Variants in NDUFA9 observed in about 807,000 individuals in gnomAD.
NDUFA9 encodes the protein NADH dehydrogenase [ubiquinone] 1 alpha subcomplex subunit 9, mitochondrial.
A neutral mutation model predicts 45.9 loss-of-function variants in NDUFA9; 23 were observed. The ratio of observed to expected loss-of-function variants is 0.50; its 90% confidence interval spans 0.36 to 0.71. The LOEUF is 0.71. Ranked by LOEUF, NDUFA9 falls within the 30% of genes least tolerant of loss-of-function variation. The pLI, the probability that NDUFA9 is intolerant of heterozygous loss-of-function variation, is 0.00. For synonymous variants in NDUFA9, 176 were observed against 170.5 expected, an observed-to-expected ratio of 1.03 and a Z score of -0.25; for missense variants, 466 against 488.2, an observed-to-expected ratio of 0.95 and a Z score of 0.43.
intron 1 of NDUFA9, among the ~76,000 whole-genome samples, chr12:4,649,452 G>C (rs1945741693): frequency 6.6e-6 from 1 of 152,068 alleles, no homozygotes; most frequent in African/African-American, 2.4e-5. Flanking sequence ...GAGAGAATCA[G>C]AATTCTGATA....
chr12:4,679,457 T>G (rs1178484087), intron 8 of NDUFA9, among the ~76,000 whole-genome samples: 2 of 152,130 alleles, frequency 1.3e-5, no homozygotes, highest in Non-Finnish European at 2.9e-5. Context: ...AGCTTATAGA[T>G]TAGTGATGAG....
chr12:4,669,270 A>G (rs1210029429), intron 7 of NDUFA9, among the ~76,000 whole-genome samples: 1 of 152,244 alleles, frequency 6.6e-6, no homozygotes, highest in East Asian at 1.9e-4. Flanking sequence ...GGCCAAAATC[A>G]CTATTACTAT....
At chr12:4,661,969 C>T (rs1591544464) in intron 5 of NDUFA9, among the ~76,000 whole-genome samples, 1 of 152,146 alleles carries the variant, frequency 6.6e-6, no homozygotes, top group South Asian at 2.1e-4. Context: ...ATCATGTCAC[C>T]TCCAGTGGTG....
At chr12:4,659,241 A>G in intron 5 of NDUFA9, 64 bp downstream of exon 5, 5 of 1,427,950 alleles carry the variant, frequency 3.5e-6, no homozygotes, top group East Asian at 4.6e-5. Context: ...CATTTGAAAC[A>G]TGATTTCAGT....
At chr12:4,668,855 C>G in intron 7 of NDUFA9, 1 of 311,976 alleles carries the variant, frequency 3.2e-6, no homozygotes, top group Non-Finnish European at 6.1e-6. Context: ...AGTTATTGTA[C>G]AACGTGATGA....
At chr12:4,677,937 A>G (rs1028817019) in intron 8 of NDUFA9, among the ~76,000 whole-genome samples, 1 of 152,214 alleles carries the variant, frequency 6.6e-6, no homozygotes, top group Non-Finnish European at 1.5e-5. Context: ...CCACATATAC[A>G]CCATGGAATA....
In NDUFA9 at chr12:4,680,288, C is replaced by T. The variant is rs573066388; in HGVS notation, c.801-1917C>T. On this transcript the variant is annotated intron_variant, in intron 8 of 10. Coordinates refer to ENST00000266544, the MANE Select transcript of NDUFA9 (RefSeq NM_005002.5). ...AATCAGTTCAATTGTATTTCGTCTACAGTTTTGTCCTTCTGGGGTTTCAGG... is the reference window on the plus strand; with the variant it reads ...AATCAGTTCAATTGTATTTCGTCTATAGTTTTGTCCTTCTGGGGTTTCAGG... Among the ~76,000 whole-genome samples the T allele has an allele frequency of 1.6e-4, 24 of 152,262 alleles. No homozygotes were observed. The South Asian group carries it at 4.8e-3, about 30-fold the overall frequency.
Position 4,688,646 on chromosome 12 carries a change from A to G in NDUFA9, c.*1538A>G, listed in dbSNP as rs1946001817. 1 of 152,232 alleles carries G rather than the reference A, an allele frequency of 6.6e-6. No individual in the cohort carries two copies. Among genetic ancestry groups the G allele is most frequent in the Admixed American group, 6.5e-5 (1 of 15,284 alleles). The allele number at this position is 152,232 out of a possible 1,614,324, so 9.4% of individuals were successfully genotyped here. A position where few individuals can be genotyped will look rare whatever the true frequency, so the allele number is the denominator to read the frequency against. On this transcript the variant is annotated 3_prime_UTR_variant, in exon 11 of 11. Transcript: ENST00000266544. The stretch of plus-strand genomic sequence containing the variant: ...ATCAGAGTTCAGTGTGATCCCTGTT[A>G]TTAATCCAGGTTGCTGACCCCACCC...
rs1394478181 is a variant in NDUFA9, at chr12:4,659,121, C to A, written c.496C>A (p.His166Asn). ...GGAAGCTGGAGTTGAAAAATTCATT[C>A]ATGTTTCACATCTGAATGCGAATAT... Reference protein sequence around the residue: ...SKEAGVEKFIHVSHLNANIKS... With the variant: ...SKEAGVEKFINVSHLNANIKS... Residue 166 changes from histidine to asparagine, a missense_variant, in exon 5 of 11, where the codon CAT (histidine) becomes AAT (asparagine). Physicochemically the swap from His to Asn is moderately conservative, Grantham distance 68. Coordinates refer to ENST00000266544, the MANE Select transcript of NDUFA9 (RefSeq NM_005002.5). 2 of 1,610,790 alleles carry A rather than the reference C, an allele frequency of 1.2e-6. No homozygotes were observed. The highest frequency in any genetic ancestry group is 1.1e-5 in the South Asian group (1 of 91,038).
chr12:4,656,698 C>A (rs1372382549), intron 3 of NDUFA9, among the ~76,000 whole-genome samples: 1 of 152,216 alleles, frequency 6.6e-6, no homozygotes, highest in Non-Finnish European at 1.5e-5. Context: ...TTACATCACT[C>A]ACTGCTGTAG....
chr12:4,682,371 CT>C, intron 9 of NDUFA9, 71 bp downstream of exon 9: 1 of 1,184,218 alleles, frequency 8.4e-7, no homozygotes, highest in Non-Finnish European at 1.2e-6. Flanking sequence ...AATGTTCTCC[CT>C]TAGGGTTATA....
intron 8 of NDUFA9, among the ~76,000 whole-genome samples, chr12:4,678,518 C>T (rs894738120): frequency 6.6e-6 from 1 of 151,918 alleles, no homozygotes; most frequent in Non-Finnish European, 1.5e-5. Context: ...AAAAACAAGT[C>T]ACAGATTGGG....
At position 4,654,992 on chromosome 12, in the gene NDUFA9, C is replaced by G. The variant is rs563062292; in HGVS notation, c.318+70C>G. ...TAAGGTCATTTTTAGGAGTGATAGG[C>G]AGTATAATAAAGCAGTAATTTCTTC... is the stretch of plus-strand genomic sequence containing the variant. On this transcript the variant is annotated intron_variant, in intron 3 of 10. Coordinates refer to ENST00000266544, the MANE Select transcript of NDUFA9 (RefSeq NM_005002.5). 7.1e-5 allele frequency: 91 copies of G among 1,273,368 alleles called. No individual in the cohort carries two copies. The African/African-American group carries it at 1.2e-3, about 16-fold the overall frequency. The allele number at this position is 1,273,368 out of a possible 1,614,324, so 78.9% of individuals were successfully genotyped here.
intron 1 of NDUFA9, among the ~76,000 whole-genome samples, chr12:4,652,185 T>C (rs1372201433): frequency 6.6e-6 from 1 of 152,218 alleles, no homozygotes; most frequent in Non-Finnish European, 1.5e-5. Flanking sequence ...TCTGTTCCAA[T>C]CTGTGGCCAG....
chr12:4,670,292 A>G (rs1286134241), intron 8 of NDUFA9, among the ~76,000 whole-genome samples: 2 of 152,192 alleles, frequency 1.3e-5, no homozygotes, highest in Admixed American at 1.3e-4. Flanking sequence ...TGCTTTCAGA[A>G]AAAAGGGGTA....
chr12:4,665,975 A>G (rs1476819352), intron 6 of NDUFA9, among the ~76,000 whole-genome samples: 4 of 151,832 alleles, frequency 2.6e-5, no homozygotes, highest in African/African-American at 7.3e-5. Flanking sequence ...CTTAAAAAAT[A>G]TATATATTTT....
chr12:4,692,496 TCTTTATACATTAC>T lies in NDUFA9; in HGVS notation c.*5391_*5403del, dbSNP rs1426398608. ...AACCATGAGCCAATTAAACCTCTTT[TCTTTATACATTAC>T]CTAGACTCAGATATTTCTTTATAGC... On this transcript the variant is annotated 3_prime_UTR_variant, in exon 11 of 11. Transcript: ENST00000266544. 6.6e-6 allele frequency: 1 copy of T among 152,220 alleles called. No homozygotes were observed. Among genetic ancestry groups the T allele is most frequent in the Non-Finnish European group, 1.5e-5 (1 of 68,054 alleles). 9.4% of individuals were successfully genotyped at this position (152,220 alleles called of 1,614,324 possible). A position where few individuals can be genotyped will look rare whatever the true frequency, so the allele number is the denominator to read the frequency against.
intron 10 of NDUFA9, among the ~76,000 whole-genome samples, chr12:4,685,877 A>C (rs200194268): frequency 6.6e-6 from 1 of 152,038 alleles, no homozygotes; most frequent in African/African-American, 2.4e-5. Flanking sequence ...GCAAAATAAA[A>C]TAAAAATACT....
At position 4,680,398 on chromosome 12, in the gene NDUFA9, G is replaced by T. The variant is rs1022981988; in HGVS notation, c.801-1807G>T. On this transcript the variant is annotated intron_variant, in intron 8 of 10. Coordinates refer to ENST00000266544, the MANE Select transcript of NDUFA9 (RefSeq NM_005002.5). ...GTAGGGGCCTGGGAGACAAGATTTT[G>T]CTGAGGATATTTGCAGAGGAATAAC... Among the ~76,000 whole-genome samples the T allele has an allele frequency of 2.0e-5, 3 of 152,258 alleles. No homozygotes were observed. The South Asian group carries it at 6.2e-4, about 32-fold the overall frequency.
Sources: allele counts gnomAD v4.1 joint callset (sites outside exome capture counted in the v4.1 genomes callset), GRCh38; gene constraint gnomAD v4.1.1; transcripts MANE v1.5; gene names NCBI Gene and HGNC (gene_info 2026-07-23, HGNC 2026-07-21).